CPNE8: variants seen among roughly 807,000 people sequenced by gnomAD.
CPNE8 encodes the protein copine-8.
In CPNE8, 45 loss-of-function variants were observed where a neutral mutation model predicts 81.5. That is an observed-to-expected ratio of 0.55 (90% confidence interval 0.44 to 0.71). The LOEUF (loss-of-function observed/expected upper bound fraction) is 0.71. Among genes scored for constraint, CPNE8 ranks in the 30% least tolerant of loss-of-function variants. The probability of loss-of-function intolerance (pLI) is 0.00; values close to 1 mark genes in which losing one functional copy is unlikely to be tolerated. For missense variants in CPNE8, 594 were observed against 672.1 expected (o/e 0.88, Z 1.28); for synonymous variants, 252 against 226.3 (o/e 1.11, Z -1.02).
intron 6 of CPNE8, among the ~76,000 whole-genome samples, chr12:38,807,609 G>T (rs1032249800): frequency 1.3e-4 from 19 of 151,608 alleles, no homozygotes; most frequent in African/African-American, 4.6e-4. Flanking sequence ...ATTCAAGATG[G>T]ATTAAAGACT....
At chr12:38,680,781 G>A (rs917838810) in intron 16 of CPNE8, among the ~76,000 whole-genome samples, 1 of 151,856 alleles carries the variant, frequency 6.6e-6, no homozygotes. Context: ...TTGTAAGATT[G>A]AATAAATAAA....
chr12:38,805,671 A>C (rs1279401662), intron 6 of CPNE8, among the ~76,000 whole-genome samples: 2 of 37,746 alleles, frequency 5.3e-5, no homozygotes, highest in Non-Finnish European at 2.6e-4. Context: ...TAAAAAAAAA[A>C]AACATTAAAA....
intron 1 of CPNE8, among the ~76,000 whole-genome samples, chr12:38,902,311 GGAAGGAAAGAAAGAAA>G (rs1328679321): frequency 2.8e-4 from 9 of 32,630 alleles, no homozygotes; most frequent in Admixed American, 1.5e-3. Context: ...AAGGAAGGAA[GGAAGGAAAGAAAGAAA>G]GAAAGAAAGA....
At chr12:38,675,854 T>A in intron 17 of CPNE8, 80 bp from the exon 18 acceptor site, 1 of 935,984 alleles carries the variant, frequency 1.1e-6, no homozygotes. Flanking sequence ...GCATGATATC[T>A]CACTCTTGAA....
chr12:38,755,469 G>A (rs1055371614), intron 10 of CPNE8, among the ~76,000 whole-genome samples: 7 of 152,014 alleles, frequency 4.6e-5, no homozygotes, highest in Non-Finnish European at 1.0e-4. Context: ...AAAACTTCAA[G>A]CAATTGAAGC....
intron 1 of CPNE8, among the ~76,000 whole-genome samples, chr12:38,884,612 A>G (rs1224300136): frequency 6.6e-6 from 1 of 152,096 alleles, no homozygotes; most frequent in East Asian, 1.9e-4. Context: ...CTGCCAAACT[A>G]TTTTCCAAAG....
At position 38,681,467 on chromosome 12, in the gene CPNE8, A is replaced by T. The variant is rs190833817; in HGVS notation, c.1272-3913T>A. On this transcript the variant is annotated intron_variant, in intron 16 of 19. Coordinates refer to ENST00000331366, the MANE Select transcript of CPNE8 (RefSeq NM_153634.3). Reference sequence around the variant, plus strand: ...TTTCTCAGAATTTAAATTTGTTGTCAATTTACAACATAATGGCAATATATT... The same window carrying T: ...TTTCTCAGAATTTAAATTTGTTGTCTATTTACAACATAATGGCAATATATT... Among the ~76,000 whole-genome samples the T allele has an allele frequency of 8.4e-4, 128 of 152,318 alleles. 1 individual carries two copies. Among genetic ancestry groups the T allele is most frequent in the Non-Finnish European group, 1.2e-3 (85 of 68,018 alleles).
intron 10 of CPNE8, among the ~76,000 whole-genome samples, chr12:38,731,244 G>T (rs1940824496): frequency 6.6e-6 from 1 of 151,898 alleles, no homozygotes; most frequent in African/African-American, 2.4e-5. Flanking sequence ...AAACATAAGG[G>T]ATGTCACAGT....
At chr12:38,843,211 A>G (rs1270672151) in intron 4 of CPNE8, among the ~76,000 whole-genome samples, 1 of 152,230 alleles carries the variant, frequency 6.6e-6, no homozygotes, top group Non-Finnish European at 1.5e-5. Context: ...GGTGCCCCTT[A>G]GGATTACGTT....
chr12:38,836,026 C>T (rs943755575), intron 5 of CPNE8, among the ~76,000 whole-genome samples: 6 of 151,998 alleles, frequency 3.9e-5, no homozygotes, highest in African/African-American at 1.5e-4. Context: ...CAATTATGGG[C>T]CTGTCATTAA....
At chr12:38,747,320 C>G (rs545142452) in intron 10 of CPNE8, among the ~76,000 whole-genome samples, 9 of 152,178 alleles carry the variant, frequency 5.9e-5, no homozygotes, top group Non-Finnish European at 1.2e-4. Flanking sequence ...TGTCTCAATC[C>G]CACAAGTAAA....
At chr12:38,834,809 A>G (rs1410963204) in intron 5 of CPNE8, among the ~76,000 whole-genome samples, 1 of 152,190 alleles carries the variant, frequency 6.6e-6, no homozygotes, top group Admixed American at 6.5e-5. Flanking sequence ...GAACTATTTC[A>G]GTACACTCCC....
At chr12:38,813,984 C>T (rs1476009516) in intron 6 of CPNE8, among the ~76,000 whole-genome samples, 1 of 151,946 alleles carries the variant, frequency 6.6e-6, no homozygotes, top group Non-Finnish European at 1.5e-5. Context: ...AGGTATGCCA[C>T]TGGAGTGGAA....
At chr12:38,683,169 G>A (rs1183178817) in intron 16 of CPNE8, among the ~76,000 whole-genome samples, 2 of 151,822 alleles carry the variant, frequency 1.3e-5, no homozygotes, top group Non-Finnish European at 2.9e-5. Context: ...AAAAATAAAC[G>A]TGCTTAAAAT....
intron 8 of CPNE8, among the ~76,000 whole-genome samples, chr12:38,763,294 T>A (rs1941610857): frequency 1.3e-5 from 2 of 152,182 alleles, no homozygotes; most frequent in South Asian, 2.1e-4. Context: ...GGTGGGATCA[T>A]GAGGAAGCTC....
chr12:38,729,477 G>C (rs914879528), intron 11 of CPNE8, among the ~76,000 whole-genome samples: 1 of 151,834 alleles, frequency 6.6e-6, no homozygotes, highest in African/African-American at 2.4e-5. Flanking sequence ...TATCCCCAGG[G>C]CCTAACATAG....
At chr12:38,817,695 C>G (rs540486449) in intron 6 of CPNE8, among the ~76,000 whole-genome samples, 6 of 136,448 alleles carry the variant, frequency 4.4e-5, no homozygotes, top group Non-Finnish European at 9.2e-5. Context: ...TCGATCTCAG[C>G]TCACTGCAAG....
intron 10 of CPNE8, among the ~76,000 whole-genome samples, chr12:38,747,484 A>C (rs1160863647): frequency 6.6e-6 from 1 of 152,180 alleles, no homozygotes; most frequent in African/African-American, 2.4e-5. Flanking sequence ...CTGGTAAAAA[A>C]TGTTGAGGAT....
rs761012963 is a variant in CPNE8, at chr12:38,760,899, G to C, written c.681-11C>G. 1.3e-6 allele frequency: 2 copies of C among 1,543,078 alleles called. No individual in the cohort carries two copies. Among genetic ancestry groups the C allele is most frequent in the African/African-American group, 1.4e-5 (1 of 69,646 alleles). On this transcript the variant is annotated splice_polypyrimidine_tract_variant and intron_variant, in intron 9 of 19. Transcript: ENST00000331366. The stretch of plus-strand genomic sequence containing the variant: ...TCTACTTTGATTGTTCTGTACATGA[G>C]AAAAACATACACATAAAGTTACTTA...
Sources: allele counts gnomAD v4.1 joint callset (sites outside exome capture counted in the v4.1 genomes callset), GRCh38; gene constraint gnomAD v4.1.1; transcripts MANE v1.5; gene names NCBI Gene and HGNC (gene_info 2026-07-23, HGNC 2026-07-21).